Variants in CNTLN observed in about 807,000 individuals in gnomAD.
The protein encoded by CNTLN is centlein.
CNTLN carries 212 observed loss-of-function variants against 180.0 expected under a neutral mutation model. The observed-to-expected ratio is 1.18, with a 90% CI of 1.05 to 1.32. The LOEUF is 1.32. Ranked by LOEUF, CNTLN falls within the 40% of genes most tolerant of loss-of-function variation. The pLI is 0.00. For missense variants in CNTLN, 2,095 were observed against 1,610.9 expected (o/e 1.30, Z -5.14); for synonymous variants, 722 against 563.1 (o/e 1.28, Z -3.99).
intron 2 of CNTLN, among the ~76,000 whole-genome samples, chr9:17,216,978 C>T (rs1396797768): frequency 6.6e-6 from 1 of 152,182 alleles, no homozygotes; most frequent in Non-Finnish European, 1.5e-5. Context: ...GCCATGATTG[C>T]CTAGGCAGGG....
intron 18 of CNTLN, among the ~76,000 whole-genome samples, chr9:17,430,671 G>C (rs1829364284): frequency 1.3e-5 from 2 of 151,820 alleles, no homozygotes. Context: ...CTGTATTTTT[G>C]TACACATTAA....
At chr9:17,520,065 C>T in the CNTLN span, among the ~76,000 whole-genome samples, 1 of 152,184 alleles carries the variant, frequency 6.6e-6, no homozygotes, top group Non-Finnish European at 1.5e-5. Context: ...TGGAGCCTTA[C>T]CCTCATTCAA....
rs2593352 is a variant in CNTLN at position 17,503,409 on chromosome 9, G to A, written c.*757G>A. ...GATGTCATCCTTATTTAGATTCCTG[G>A]ACATTCCCACCTCATTTCACCTCTT... is the stretch of plus-strand genomic sequence containing the variant. On this transcript the variant is annotated 3_prime_UTR_variant, in exon 26 of 26. Transcript: ENST00000380647. The A allele has an allele frequency of 0.99, 150,052 of 152,296 alleles. 73,946 individuals are homozygous for A. The highest frequency in any genetic ancestry group is 1 in the Middle Eastern group (294 of 294). The allele number at this position is 152,296 out of a possible 1,614,324, so 9.4% of individuals were successfully genotyped here. A position where few individuals can be genotyped will look rare whatever the true frequency, so the allele number is the denominator to read the frequency against.
chr9:17,456,369 A>G (rs759000950), intron 18 of CNTLN, among the ~76,000 whole-genome samples: 10 of 152,288 alleles, frequency 6.6e-5, no homozygotes, highest in South Asian at 2.1e-4. Flanking sequence ...AATATAGCCA[A>G]ATAGTTTTTT....
intron 5 of CNTLN, among the ~76,000 whole-genome samples, chr9:17,239,785 A>G (rs1321208206): frequency 3.9e-5 from 6 of 152,174 alleles, no homozygotes; most frequent in Non-Finnish European, 7.4e-5. Context: ...CTGTAAATAT[A>G]AGGGTTCATT....
At chr9:17,264,676 A>G (rs866684126) in intron 5 of CNTLN, among the ~76,000 whole-genome samples, 129 of 143,278 alleles carry the variant, frequency 9.0e-4, no homozygotes, top group African/African-American at 2.0e-3. Context: ...CTACCCATGA[A>G]CATGGAATGT....
At chr9:17,519,048 G>C in the CNTLN span, among the ~76,000 whole-genome samples, 2 of 147,896 alleles carry the variant, frequency 1.4e-5, no homozygotes, top group African/African-American at 5.3e-5. Context: ...TCAGCCCCCT[G>C]AGTAGCTGGG....
intron 2 of CNTLN, among the ~76,000 whole-genome samples, chr9:17,214,004 A>G (rs1308769852): frequency 6.6e-6 from 1 of 152,036 alleles, no homozygotes; most frequent in Non-Finnish European, 1.5e-5. Context: ...TTGACTCTTT[A>G]TCCAATTTGC....
At chr9:17,512,370 A>G in the CNTLN span, among the ~76,000 whole-genome samples, 3 of 152,230 alleles carry the variant, frequency 2.0e-5, no homozygotes. Flanking sequence ...CCTTTGCAGC[A>G]ACATGGATGC....
At chr9:17,492,931 T>G (rs547749152) in intron 25 of CNTLN, among the ~76,000 whole-genome samples, 18 of 152,274 alleles carry the variant, frequency 1.2e-4, no homozygotes, top group Middle Eastern at 3.4e-3. Context: ...TGAAACATGC[T>G]ACAATATGGA....
intron 10 of CNTLN, among the ~76,000 whole-genome samples, chr9:17,333,281 A>T (rs936297802): frequency 6.6e-6 from 1 of 152,156 alleles, no homozygotes; most frequent in African/African-American, 2.4e-5. Context: ...TTGAGAGCTT[A>T]TATTAATACT....
intron 18 of CNTLN, among the ~76,000 whole-genome samples, chr9:17,441,091 C>G (rs1003700423): frequency 7.9e-5 from 12 of 152,050 alleles, no homozygotes; most frequent in African/African-American, 2.7e-4. Flanking sequence ...AAAAACGTGC[C>G]AACCAAGAAT....
At chr9:17,318,637 T>A (rs1377840763) in intron 8 of CNTLN, among the ~76,000 whole-genome samples, 2 of 152,190 alleles carry the variant, frequency 1.3e-5, no homozygotes, top group African/African-American at 4.8e-5. Context: ...GCAAGAAAGA[T>A]TATTCTCACA....
At chr9:17,435,559 CTT>C (rs35562399) in intron 18 of CNTLN, among the ~76,000 whole-genome samples, 47 of 144,124 alleles carry the variant, frequency 3.3e-4, no homozygotes, top group Non-Finnish European at 4.3e-4. Context: ...AAGAGTGGCT[CTT>C]TTTTTTTTTT....
chr9:17,308,531 T>C (rs1046856766), intron 7 of CNTLN, among the ~76,000 whole-genome samples: 1 of 152,106 alleles, frequency 6.6e-6, no homozygotes, highest in Non-Finnish European at 1.5e-5. Flanking sequence ...TACTCCTGAT[T>C]TTGTTTTCTT....
Position 17,135,112 on chromosome 9 carries a change from G to C in CNTLN, c.47G>C (p.Arg16Pro). 1 of 1,606,260 alleles carries C rather than the reference G, an allele frequency of 6.2e-7. No homozygotes were observed. Residue 16 changes from arginine (R) to proline (P), a missense_variant, in exon 1 of 26, where the codon CGA becomes CCA. By Grantham distance (103) the Arg-to-Pro change is moderately radical. Coordinates refer to ENST00000380647, the MANE Select transcript of CNTLN (RefSeq NM_017738.4). Reference protein sequence around the residue: ...PPSPHPSPPARQLGPRSPRVG... With the variant: ...PPSPHPSPPAPQLGPRSPRVG... The stretch of plus-strand genomic sequence containing the variant: ...TCACCGCACCCTTCGCCCCCAGCGC[G>C]ACAGCTGGGCCCCAGGTCCCCACGT...
intron 18 of CNTLN, among the ~76,000 whole-genome samples, chr9:17,436,495 A>C (rs1434961793): frequency 6.6e-6 from 1 of 152,258 alleles, no homozygotes; most frequent in Admixed American, 6.5e-5. Flanking sequence ...AGCAGAGCAC[A>C]GCCCATTCAA....
chr9:17,465,060 T>G (rs1204669746), intron 21 of CNTLN, among the ~76,000 whole-genome samples: 1 of 150,920 alleles, frequency 6.6e-6, no homozygotes, highest in African/African-American at 2.4e-5. Context: ...GAGTTGTACA[T>G]GCAAAGGGAG....
At chr9:17,463,572 T>C (rs1044654306) in intron 20 of CNTLN, among the ~76,000 whole-genome samples, 1 of 151,636 alleles carries the variant, frequency 6.6e-6, no homozygotes, top group Admixed American at 6.6e-5. Flanking sequence ...TTGTCACTGA[T>C]ACATTTGAGA....
Sources: gnomAD v4.1 joint callset for allele counts (sites outside exome capture counted in the v4.1 genomes callset) on GRCh38, gnomAD v4.1.1 for gene constraint, MANE v1.5 for transcripts, NCBI Gene and HGNC (gene_info 2026-07-23, HGNC 2026-07-21) for gene names.